Variants in ANKRD28 observed in about 807,000 individuals in gnomAD.
The protein encoded by ANKRD28 is serine/threonine-protein phosphatase 6 regulatory ankyrin repeat subunit A.
A neutral mutation model predicts 126.5 loss-of-function variants in ANKRD28; 44 were observed. The ratio of observed to expected loss-of-function variants is 0.35; its 90% CI spans 0.27 to 0.45. ANKRD28 has a LOEUF of 0.45. ANKRD28 is among the 20% of genes least tolerant of loss of function. The pLI is 1.00. For missense variants in ANKRD28, 1,110 were observed against 1,316.6 expected (o/e 0.84, Z 2.43); for synonymous variants, 442 against 468.5 (o/e 0.94, Z 0.73).
chr3:15,737,524 G>C, intron 4 of ANKRD28, among the ~76,000 whole-genome samples: 1 of 12,334 alleles, frequency 8.1e-5, no homozygotes, highest in Non-Finnish European at 1.5e-4. Flanking sequence ...ATGTGCAAGA[G>C]AGCAATCATA....
At position 15,709,857 on chromosome 3, in the gene ANKRD28, T is replaced by C. The variant is rs187209186; in HGVS notation, c.1338-121A>G. ...AAGATAAATGTGACAAAAATGATGATTTACATTCTATGAAGAATAAAACAT... is the reference window on the plus strand; with the variant it reads ...AAGATAAATGTGACAAAAATGATGACTTACATTCTATGAAGAATAAAACAT... On this transcript the variant is annotated intron_variant, in intron 12 of 27. Coordinates refer to ENST00000683139, the MANE Select transcript of ANKRD28 (RefSeq NM_001349278.2). The C allele has an allele frequency of 6.7e-4, 397 of 589,152 alleles. 1 individual carries two copies. The highest frequency in any genetic ancestry group is 6.2e-3 in the African/African-American group (325 of 52,338). The allele number at this position is 589,152 out of a possible 1,614,324, so 36.5% of individuals were successfully genotyped here.
At chr3:15,832,348 T>C (rs1048998755) in intron 1 of ANKRD28, among the ~76,000 whole-genome samples, 5 of 152,242 alleles carry the variant, frequency 3.3e-5, no homozygotes, top group African/African-American at 1.2e-4. Context: ...AAATTCCTTA[T>C]GTGTAGGGGT....
chr3:15,808,318 C>G (rs2044574), intron 1 of ANKRD28, among the ~76,000 whole-genome samples: 101,961 of 152,092 alleles, frequency 0.67, 34,703 homozygotes, highest in East Asian at 0.91. Flanking sequence ...TCTAGTTTAA[C>G]AATGTTTCAC....
intron 13 of ANKRD28, among the ~76,000 whole-genome samples, chr3:15,709,286 C>G (rs2071900980): frequency 6.6e-6 from 1 of 152,138 alleles, no homozygotes; most frequent in African/African-American, 2.4e-5. Flanking sequence ...AGTAGAATCC[C>G]TCACCAAGAA....
At chr3:15,687,232 C>T (rs984093648) in intron 18 of ANKRD28, among the ~76,000 whole-genome samples, 3 of 152,058 alleles carry the variant, frequency 2.0e-5, no homozygotes, top group East Asian at 1.9e-4. Flanking sequence ...CATGAGCCAC[C>T]GTGCCCAGCC....
rs376708668 is a variant in ANKRD28 at position 15,758,147 on chromosome 3, A to C, written c.281-6327T>G. On this transcript the variant is annotated intron_variant, in intron 3 of 27. Coordinates refer to ENST00000683139, the MANE Select transcript of ANKRD28 (RefSeq NM_001349278.2). ...TCACAAATCATTTTCCAAAACTTCT[A>C]TTTGCAGAGAATTGTTTTCTTCCTT... is the stretch of plus-strand genomic sequence containing the variant. Among the ~76,000 whole-genome samples the C allele has an allele frequency of 3.9e-5, 6 of 152,318 alleles. No individual in the cohort carries two copies. The South Asian group carries it at 6.2e-4, about 16-fold the overall frequency.
At chr3:15,738,788 T>C (rs1021783469) in intron 4 of ANKRD28, 2 of 152,146 alleles carry the variant, frequency 1.3e-5, no homozygotes, top group African/African-American at 4.8e-5. Flanking sequence ...GACCAAAATT[T>C]ATGAGGTGGG....
chr3:15,692,144 TA>T lies in ANKRD28; in HGVS notation c.1762-1925del, dbSNP rs908039642. On this transcript the variant is annotated intron_variant, in intron 17 of 27. Transcript: ENST00000683139. ...GACAGAATGAGATTGTATCTCTAAA[TA>T]AAAAAAAAAAAAAAAAAAAAATGAG... 6.2e-3 allele frequency among the ~76,000 whole-genome samples: 613 copies of T among 98,906 alleles called. 4 individuals carry two copies. Among genetic ancestry groups the T allele is most frequent in the East Asian group, 0.024 (86 of 3,564 alleles). The allele number at this position is 98,906 out of a possible 152,430, so 64.9% of individuals were successfully genotyped here. A position where few individuals can be genotyped will look rare whatever the true frequency, so the allele number is the denominator to read the frequency against.
At chr3:15,737,976 G>C (rs1478886313) in intron 4 of ANKRD28, among the ~76,000 whole-genome samples, 2 of 150,392 alleles carry the variant, frequency 1.3e-5, no homozygotes, top group Non-Finnish European at 2.9e-5. Flanking sequence ...GGCAATTTAA[G>C]AGTCTACTGT....
Position 15,686,282 on chromosome 3 carries a change from C to T in ANKRD28, c.1991G>A (p.Arg664Gln), listed in dbSNP as rs774546032. Residue 664 changes from arginine (R) to glutamine (Q), a missense_variant, in exon 19 of 28, where the codon CGG (arginine) becomes CAG (glutamine). Physicochemically the swap from Arg to Gln is conservative, Grantham distance 43 (BLOSUM62 1). Coordinates refer to ENST00000683139, the MANE Select transcript of ANKRD28 (RefSeq NM_001349278.2). ...AATNGHSECL[R>Q]LLIGNAEPQN... ...TGGTTCTGCATTTCCTATTAATAGCCGTAAGCATTCTGAATGACCATTTGT... is the reference window on the plus strand; with the variant it reads ...TGGTTCTGCATTTCCTATTAATAGCTGTAAGCATTCTGAATGACCATTTGT... 13 of 1,587,354 alleles carry T rather than the reference C, an allele frequency of 8.2e-6. No individual in the cohort carries two copies. Among genetic ancestry groups the T allele is most frequent in the Middle Eastern group, 1.7e-4 (1 of 6,054 alleles).
chr3:15,799,520 A>G (rs1375777063), upstream of ANKRD28, among the ~76,000 whole-genome samples: 2 of 152,088 alleles, frequency 1.3e-5, no homozygotes, highest in East Asian at 3.8e-4. Context: ...AAAGGTATGT[A>G]AATATTGAAC....
At chr3:15,758,477 A>C (rs1321186936) in intron 3 of ANKRD28, among the ~76,000 whole-genome samples, 1 of 152,200 alleles carries the variant, frequency 6.6e-6, no homozygotes, top group Non-Finnish European at 1.5e-5. Context: ...ATATGACTTT[A>C]ACTGGAGATA....
intron 2 of ANKRD28, among the ~76,000 whole-genome samples, chr3:15,770,687 A>C (rs1304757628): frequency 1.3e-5 from 2 of 152,180 alleles, no homozygotes; most frequent in African/African-American, 4.8e-5. Context: ...AAGCCATCCC[A>C]ACTCCTGATA....
At chr3:15,727,564 CAAAAAAA>C (rs59584114) in intron 6 of ANKRD28, among the ~76,000 whole-genome samples, 9 of 65,958 alleles carry the variant, frequency 1.4e-4, no homozygotes, top group South Asian at 6.8e-4. Context: ...GAAACTCTGT[CAAAAAAA>C]AAAAAAAAAA....
intron 27 of ANKRD28, among the ~76,000 whole-genome samples, chr3:15,672,799 G>A (rs1434773335): frequency 6.6e-6 from 1 of 151,896 alleles, no homozygotes; most frequent in African/African-American, 2.4e-5. Flanking sequence ...TTTTTGAGAC[G>A]AAGTCTGGCT....
intron 6 of ANKRD28, among the ~76,000 whole-genome samples, chr3:15,725,921 T>C (rs1014840332): frequency 1.3e-5 from 2 of 152,156 alleles, no homozygotes; most frequent in Non-Finnish European, 2.9e-5. Flanking sequence ...CACACACCTG[T>C]AGTTCCAGCT....
chr3:15,791,576 A>G (rs1163601005), intron 2 of ANKRD28, among the ~76,000 whole-genome samples: 1 of 152,190 alleles, frequency 6.6e-6, no homozygotes, highest in Non-Finnish European at 1.5e-5. Flanking sequence ...AAATCATGAA[A>G]CCAGACCCCT....
intron 3 of ANKRD28, among the ~76,000 whole-genome samples, chr3:15,764,605 A>C (rs753909756): frequency 6.6e-6 from 1 of 152,142 alleles, no homozygotes; most frequent in African/African-American, 2.4e-5. Context: ...AAACAAAAAT[A>C]ATCAGAATTC....
At chr3:15,847,786 C>G (rs779945770) in intron 1 of ANKRD28, among the ~76,000 whole-genome samples, 2 of 152,236 alleles carry the variant, frequency 1.3e-5, no homozygotes, top group Non-Finnish European at 2.9e-5. Flanking sequence ...CCACCTGCCT[C>G]CAGCTTCACC....
Sources: gnomAD v4.1 joint callset for allele counts (sites outside exome capture counted in the v4.1 genomes callset) on GRCh38, gnomAD v4.1.1 for gene constraint, MANE v1.5 for transcripts, NCBI Gene and HGNC (gene_info 2026-07-23, HGNC 2026-07-21) for gene names.